Variants in CD96 observed in about 807,000 individuals in gnomAD.
CD96 encodes the protein T-cell surface protein tactile.
Under a neutral mutation model 71.3 loss-of-function variants are expected in CD96, and 70 were observed. That is an observed-to-expected ratio of 0.98 (90% confidence interval 0.81 to 1.20). The LOEUF (loss-of-function observed/expected upper bound fraction) is 1.20, where lower values mean the gene tolerates loss of function less well. Ranked by LOEUF, CD96 falls within the 50% of genes most tolerant of loss-of-function variation. The pLI, the probability that CD96 is intolerant of heterozygous loss-of-function variation, is 0.00. For synonymous variants in CD96, 248 were observed against 233.0 expected, an observed-to-expected ratio of 1.06 and a Z score of -0.59; for missense variants, 742 against 677.5, an observed-to-expected ratio of 1.10 and a Z score of -1.06.
At chr3:111,581,851 G>A (rs200626669) in intron 4 of CD96, among the ~76,000 whole-genome samples, 1 of 152,142 alleles carries the variant, frequency 6.6e-6, no homozygotes. Flanking sequence ...ATAAAACATC[G>A]AGATAAGGAT....
intron 2 of CD96, among the ~76,000 whole-genome samples, chr3:111,562,275 G>T (rs1935487742): frequency 6.6e-6 from 1 of 152,024 alleles, no homozygotes; most frequent in Non-Finnish European, 1.5e-5. Flanking sequence ...TCAACACCTG[G>T]GTCCACCCAG....
At chr3:111,659,675 A>G (rs1326497824) in intron 14 of CD96, among the ~76,000 whole-genome samples, 19 of 152,226 alleles carry the variant, frequency 1.2e-4, no homozygotes, top group Admixed American at 1.2e-3. Flanking sequence ...AAGTTAACAT[A>G]CCATAATCAA....
intron 5 of CD96, among the ~76,000 whole-genome samples, chr3:111,588,493 C>CTG (rs781579689): frequency 2.0e-5 from 3 of 152,226 alleles, no homozygotes; most frequent in Non-Finnish European, 2.9e-5. Flanking sequence ...ACCCACCAAA[C>CTG]TGTTCCAACC....
intron 2 of CD96, among the ~76,000 whole-genome samples, chr3:111,565,673 AT>A (rs1004162002): frequency 7.2e-5 from 11 of 151,742 alleles, no homozygotes; most frequent in African/African-American, 2.4e-4. Flanking sequence ...TAGCTAAGTG[AT>A]TTTTTTTCTC....
At chr3:111,562,343 T>C (rs1275772380) in intron 2 of CD96, among the ~76,000 whole-genome samples, 1 of 152,208 alleles carries the variant, frequency 6.6e-6, no homozygotes, top group Non-Finnish European at 1.5e-5. Flanking sequence ...GATTCCTCCA[T>C]GTCTCATAAT....
intron 10 of CD96, among the ~76,000 whole-genome samples, chr3:111,624,720 G>A (rs546604144): frequency 3.3e-5 from 5 of 152,336 alleles, no homozygotes; most frequent in African/African-American, 1.2e-4. Context: ...GTCTTACTGA[G>A]GAAGGTGACA....
intron 10 of CD96, among the ~76,000 whole-genome samples, chr3:111,629,773 C>T (rs1425233234): frequency 6.6e-6 from 1 of 152,116 alleles, no homozygotes; most frequent in Non-Finnish European, 1.5e-5. Flanking sequence ...AGAAACAAAA[C>T]ACTCCTCAGT....
In CD96 at chr3:111,650,559, T is replaced by A. The variant is rs1304132607; in HGVS notation, c.*753T>A. The stretch of plus-strand genomic sequence containing the variant: ...TTGAGTGCCTTCGTGTGTATGTCCA[T>A]CAAACTGGAACCAAACTGTTTTGTA... On this transcript the variant is annotated 3_prime_UTR_variant, in exon 14 of 14. Coordinates refer to ENST00000352690, the MANE Select transcript of CD96 (RefSeq NM_005816.5). 6.6e-6 allele frequency: 1 copy of A among 152,298 alleles called. No individual in the cohort carries two copies. The highest frequency in any genetic ancestry group is 2.4e-5 in the African/African-American group (1 of 41,448). 9.4% of individuals were successfully genotyped at this position (152,298 alleles called of 1,614,324 possible). A position where few individuals can be genotyped will look rare whatever the true frequency, so the allele number is the denominator to read the frequency against.
intron 9 of CD96, 82 bp downstream of exon 9, chr3:111,623,904 G>A (rs1362889540): frequency 7.6e-6 from 7 of 926,744 alleles, no homozygotes; most frequent in African/African-American, 3.2e-5. Context: ...TAATGTTGAC[G>A]TTTCAGCAAA....
At chr3:111,544,529 C>T (rs537545487) in intron 1 of CD96, among the ~76,000 whole-genome samples, 30 of 152,210 alleles carry the variant, frequency 2.0e-4, no homozygotes, top group Non-Finnish European at 3.5e-4. Flanking sequence ...TCACCTATGG[C>T]GTGTGAGGGG....
chr3:111,573,489 T>A (rs1936081727), intron 3 of CD96, among the ~76,000 whole-genome samples: 1 of 152,158 alleles, frequency 6.6e-6, no homozygotes, highest in Admixed American at 6.5e-5. Context: ...AATTAAATAG[T>A]TGGCTAGCAA....
Position 111,598,203 on chromosome 3 carries a change from A to G in CD96, c.891A>G (p.Glu297=), listed in dbSNP as rs886057764. Residue 297 remains glutamate, a synonymous_variant, in exon 6 of 14, where the codon GAA becomes GAG. Transcript: ENST00000352690. ...TAGATGGAAGTTTTCTTCATGATGA[A>G]AAAGAAGGTAAGGAAACTAATCAAT... The part of the protein sequence containing the change: ...WFIDGSFLHD[E]KEGIYITNEE... 3.6e-5 allele frequency: 47 copies of G among 1,305,316 alleles called. No homozygotes were observed. The highest frequency in any genetic ancestry group is 1.8e-4 in the Middle Eastern group (1 of 5,500). 80.9% of individuals were successfully genotyped at this position (1,305,316 alleles called of 1,614,324 possible). A position where few individuals can be genotyped will look rare whatever the true frequency, so the allele number is the denominator to read the frequency against.
At chr3:111,571,309 T>G (rs1176905334) in intron 3 of CD96, among the ~76,000 whole-genome samples, 2 of 150,758 alleles carry the variant, frequency 1.3e-5, no homozygotes, top group African/African-American at 2.4e-5. Context: ...AATAAATACT[T>G]GAATTAATTT....
intron 14 of CD96, among the ~76,000 whole-genome samples, chr3:111,660,458 T>A (rs1940328707): frequency 6.6e-6 from 1 of 152,234 alleles, no homozygotes; most frequent in Non-Finnish European, 1.5e-5. Flanking sequence ...ATTTGCATAT[T>A]CAATGCTATT....
At chr3:111,589,185 C>T (rs1463149524) in intron 5 of CD96, among the ~76,000 whole-genome samples, 2 of 151,994 alleles carry the variant, frequency 1.3e-5, no homozygotes, top group Non-Finnish European at 2.9e-5. Context: ...GCCCTGACCT[C>T]GTGATCCGCC....
downstream of CD96, among the ~76,000 whole-genome samples, chr3:111,654,819 G>C (rs927482614): frequency 6.6e-6 from 1 of 152,186 alleles, no homozygotes; most frequent in African/African-American, 2.4e-5. Context: ...AATAAAATTG[G>C]CTACAGCATT....
chr3:111,569,648 T>C (rs759469462), intron 3 of CD96, among the ~76,000 whole-genome samples: 7 of 152,250 alleles, frequency 4.6e-5, no homozygotes, highest in Non-Finnish European at 8.8e-5. Flanking sequence ...TTACTGTAGA[T>C]ATTTTTACTG....
At chr3:111,654,646 G>A (rs928982618), downstream of CD96, among the ~76,000 whole-genome samples, 2 of 152,166 alleles carry the variant, frequency 1.3e-5, no homozygotes, top group African/African-American at 4.8e-5. Context: ...ACACTGGGGG[G>A]AATAATAGGG....
chr3:111,659,578 A>T (rs1169275262), intron 14 of CD96, among the ~76,000 whole-genome samples: 1 of 152,156 alleles, frequency 6.6e-6, no homozygotes, highest in Admixed American at 6.6e-5. Flanking sequence ...GTTGCAAGGA[A>T]TTTTTTTATT....
Sources: allele counts gnomAD v4.1 joint callset (sites outside exome capture counted in the v4.1 genomes callset), GRCh38; gene constraint gnomAD v4.1.1; transcripts MANE v1.5; gene names NCBI Gene and HGNC (gene_info 2026-07-23, HGNC 2026-07-21).